TMEM273: variants seen among roughly 807,000 people sequenced by gnomAD.
The protein encoded by TMEM273 is transmembrane protein 273, also known as chromosome 10 open reading frame 128.
In TMEM273, 19 loss-of-function variants were observed where a neutral mutation model predicts 17.9. That is an observed-to-expected ratio of 1.06 (90% CI 0.74 to 1.55). The LOEUF is 1.55. Among genes scored for constraint, TMEM273 ranks in the 40% most tolerant of loss-of-function variants. The pLI is 0.00. For missense variants in TMEM273, 194 were observed against 155.6 expected (o/e 1.25, Z -1.31); for synonymous variants, 66 against 62.0 (o/e 1.07, Z -0.31).
chr10:49,156,372 G>A (rs1447147092), intron 6 of TMEM273: 2 of 986,462 alleles, frequency 2.0e-6, no homozygotes, highest in African/African-American at 3.4e-5. Flanking sequence ...TGGTGTACCA[G>A]CTTTGATGAA....
intron 2 of TMEM273, 113 bp downstream of exon 2, chr10:49,167,796 C>T: frequency 7.2e-7 from 1 of 1,397,066 alleles, no homozygotes. Flanking sequence ...GCCCCTTTTC[C>T]TATGCTGACA....
At chr10:49,168,078 G>A in intron 1 of TMEM273, 116 bp from the exon 2 acceptor site, 1 of 1,278,084 alleles carries the variant, frequency 7.8e-7, no homozygotes, top group Non-Finnish European at 1.1e-6. Context: ...GCACAGAGGT[G>A]GGCTCCCAAT....
chr10:49,156,195 T>C (rs1467321237), intron 6 of TMEM273: 1 of 1,454,510 alleles, frequency 6.9e-7, no homozygotes, highest in Non-Finnish European at 9.2e-7. Context: ...TCGAGGTTAA[T>C]AGGCATATTT....
chr10:49,186,328 C>T (rs568507924), intron 1 of TMEM273, among the ~76,000 whole-genome samples: 34 of 152,282 alleles, frequency 2.2e-4, no homozygotes, highest in Non-Finnish European at 3.4e-4. Context: ...TTCTGGTTCC[C>T]ACCGTGGTTT....
At chr10:49,161,704 G>T in intron 5 of TMEM273, 82 bp from the exon 6 acceptor site, 2 of 1,554,900 alleles carry the variant, frequency 1.3e-6, no homozygotes, top group South Asian at 1.1e-5. Context: ...CAAGAGAGTG[G>T]CTTGCTTGTC....
Position 49,155,622 on chromosome 10 carries a change from A to G in TMEM273, c.*270T>C. ...CATGAACAGCTCCAACACAGGGTGA[A>G]GCTTTTGGTGTCCACCTTCTTCCAC... On this transcript the variant is annotated 3_prime_UTR_variant, in exon 7 of 7. Transcript: ENST00000374153. 1.8e-6 allele frequency: 1 copy of G among 558,686 alleles called. No individual in the cohort carries two copies. The highest frequency in any genetic ancestry group is 2.1e-5 in the South Asian group (1 of 47,358). 34.6% of individuals were successfully genotyped at this position (558,686 alleles called of 1,614,324 possible).
At chr10:49,170,578 T>A (rs569014871) in intron 1 of TMEM273, among the ~76,000 whole-genome samples, 1 of 152,304 alleles carries the variant, frequency 6.6e-6, no homozygotes, top group East Asian at 1.9e-4. Flanking sequence ...GAATTCCCAC[T>A]GCCACCCCAA....
In TMEM273 at chr10:49,162,170, A is replaced by G. The variant is rs137945375; in HGVS notation, c.349-548T>C. Reference sequence around the variant, plus strand: ...CTCTTAGATGATCATGCATAAGAACATAAAAAGCACAGTGACTGCTCATTC... The same window carrying G: ...CTCTTAGATGATCATGCATAAGAACGTAAAAAGCACAGTGACTGCTCATTC... On this transcript the variant is annotated intron_variant, in intron 5 of 6. Transcript: ENST00000374153. 1.9e-4 allele frequency among the ~76,000 whole-genome samples: 29 copies of G among 152,334 alleles called. No individual in the cohort carries two copies. In the East Asian group the frequency reaches 5.2e-3, roughly 27 times the overall value.
At chr10:49,158,653 CA>C in intron 6 of TMEM273, among the ~76,000 whole-genome samples, 1 of 152,294 alleles carries the variant, frequency 6.6e-6, no homozygotes, top group South Asian at 2.1e-4. Flanking sequence ...TGAATAACCG[CA>C]AATACCAATG....
At chr10:49,171,675 A>G (rs2002434) in intron 1 of TMEM273, among the ~76,000 whole-genome samples, 13,314 of 152,274 alleles carry the variant, frequency 0.087, 1,218 homozygotes, top group African/African-American at 0.23. Flanking sequence ...AGCCCTCTGC[A>G]AGAGTGGATG....
At chr10:49,165,403 C>A in intron 4 of TMEM273, 120 bp from the exon 5 acceptor site, 2 of 1,521,146 alleles carry the variant, frequency 1.3e-6, no homozygotes, top group Non-Finnish European at 1.8e-6. Flanking sequence ...GCAGGGAAGC[C>A]CAGAAACCTG....
chr10:49,186,493 T>A (rs1847738255), intron 1 of TMEM273, among the ~76,000 whole-genome samples: 1 of 152,214 alleles, frequency 6.6e-6, no homozygotes, highest in Non-Finnish European at 1.5e-5. Context: ...CAAATTGCCC[T>A]CTGGAGAGAG....
intron 1 of TMEM273, among the ~76,000 whole-genome samples, chr10:49,171,356 G>C (rs561808850): frequency 1.3e-5 from 2 of 152,244 alleles, no homozygotes; most frequent in African/African-American, 4.8e-5. Flanking sequence ...CTAGAGCAGA[G>C]AGCAGAGGGC....
At chr10:49,180,477 C>A (rs747400803) in intron 1 of TMEM273, among the ~76,000 whole-genome samples, 4 of 152,176 alleles carry the variant, frequency 2.6e-5, no homozygotes, top group Non-Finnish European at 2.9e-5. Flanking sequence ...CAGGCTCCAC[C>A]CCCCTAGCAA....
chr10:49,184,773 G>T (rs1048040393), intron 1 of TMEM273, among the ~76,000 whole-genome samples: 1 of 152,228 alleles, frequency 6.6e-6, no homozygotes, highest in Admixed American at 6.5e-5. Context: ...ACCAGCTGCA[G>T]GTGGGTTCCA....
intron 6 of TMEM273, 92 bp from the exon 7 acceptor site, chr10:49,156,001 A>T: frequency 1.2e-6 from 2 of 1,608,464 alleles, no homozygotes; most frequent in African/African-American, 1.3e-5. Context: ...ACAATTAAAC[A>T]GGTATAAAAG....
At position 49,165,187 on chromosome 10, in the gene TMEM273, G is replaced by A. The variant is rs1846090385; in HGVS notation, c.348+18C>T. 6.5e-7 allele frequency: 1 copy of A among 1,539,856 alleles called. No individual in the cohort carries two copies. Among genetic ancestry groups the A allele is most frequent in the East Asian group, 2.5e-5 (1 of 40,784 alleles). ...CAAAGAGAAGAGAATGGTGGCTGGA[G>A]TCGAGAGGGGATTGTACCTTAAATA... is the stretch of plus-strand genomic sequence containing the variant. On this transcript the variant is annotated intron_variant, in intron 5 of 6. Transcript: ENST00000374153.
intron 1 of TMEM273, 67 bp from the exon 2 acceptor site, chr10:49,168,029 C>G (rs1169069039): frequency 1.9e-6 from 3 of 1,595,496 alleles, no homozygotes; most frequent in Non-Finnish European, 2.6e-6. Flanking sequence ...TACCCAGTCT[C>G]AGAGGCCTGG....
chr10:49,175,867 G>A (rs1846925833), intron 1 of TMEM273, among the ~76,000 whole-genome samples: 1 of 152,190 alleles, frequency 6.6e-6, no homozygotes, highest in Non-Finnish European at 1.5e-5. Flanking sequence ...GGTGGACAGT[G>A]GTATCCAGGG....
Sources: allele counts gnomAD v4.1 joint callset (sites outside exome capture counted in the v4.1 genomes callset), GRCh38; gene constraint gnomAD v4.1.1; transcripts MANE v1.5; gene names NCBI Gene and HGNC (gene_info 2026-07-23, HGNC 2026-07-21).